The following KAT7 variants were observed in gnomAD, a reference collection of about 807,000 sequenced individuals.
KAT7 encodes the protein histone acetyltransferase KAT7.
KAT7 carries 10 observed loss-of-function variants against 82.1 expected under a neutral mutation model. The ratio of observed to expected loss-of-function variants is 0.12; its 90% CI spans 0.08 to 0.21. KAT7 has a LOEUF of 0.21. Ranked by LOEUF, KAT7 falls within the 10% of genes least tolerant of loss-of-function variation. The pLI, the probability that KAT7 is intolerant of heterozygous loss-of-function variation, is 1.00. For synonymous variants in KAT7, 250 were observed against 262.5 expected (o/e 0.95, Z 0.46); for missense variants, 378 against 760.9 (o/e 0.50, Z 5.92).
rs542446240 is a variant in KAT7 at position 49,805,605 on chromosome 17, A to G, written c.663+160A>G. 4.6e-5 allele frequency among the ~76,000 whole-genome samples: 7 copies of G among 152,334 alleles called. No homozygotes were observed. In the East Asian group the frequency reaches 1.2e-3, roughly 25 times the overall value. Reference sequence around the variant, plus strand: ...ATAAAAAACAATGTGCTTTTTTAGAAAAAACTAGTTAAACAGACAAAAGAA... The same window carrying G: ...ATAAAAAACAATGTGCTTTTTTAGAGAAAACTAGTTAAACAGACAAAAGAA... On this transcript the variant is annotated intron_variant, in intron 5 of 14. Coordinates refer to ENST00000259021, the MANE Select transcript of KAT7 (RefSeq NM_007067.5).
In KAT7 at chr17:49,815,850, C is replaced by T; in HGVS notation, c.900C>T (p.Asn300=). 1.2e-6 allele frequency: 2 copies of T among 1,613,602 alleles called. No homozygotes were observed. The highest frequency in any genetic ancestry group is 8.5e-7 in the Non-Finnish European group (1 of 1,179,814). Residue 300 remains asparagine (N), a synonymous_variant, in exon 8 of 15, where the codon AAC becomes AAT. Transcript: ENST00000259021. ...ACACACGGGAACCTCTTTTAGAAAA[C>T]CTGACAAGCGAGTATGACTTGGATC... ...YGNTREPLLE[N]LTSEYDLDLF... is the part of the protein sequence containing the mutation.
Position 49,791,983 on chromosome 17 carries a change from G to T in KAT7, c.113G>T (p.Arg38Leu). 2 of 1,614,134 alleles carry T rather than the reference G, an allele frequency of 1.2e-6. No individual in the cohort carries two copies. Among genetic ancestry groups the T allele is most frequent in the Non-Finnish European group, 1.7e-6 (2 of 1,180,026 alleles). The change falls in exon 2 of 15, where the codon CGA becomes CTA. Residue 38 changes from arginine (R) to leucine (L), a missense_variant. Physicochemically the swap from Arg to Leu is moderately radical, Grantham distance 102. Around this residue, in one of 6 missense-constraint regions of KAT7, gnomAD observed 161 missense variants for 229.6 expected, o/e 0.70. Transcript: ENST00000259021. ...DSSESDGTSR[R>L]SARVTRSSAR... ...TCAGAAAGTGATGGCACATCCCGAC[G>T]ATCTGCTCGAGTCACCCGCTCCTCA...
chr17:49,802,733 C>T (rs1358125595), intron 4 of KAT7, among the ~76,000 whole-genome samples: 1 of 151,690 alleles, frequency 6.6e-6, no homozygotes, highest in Non-Finnish European at 1.5e-5. Context: ...GTATTAATGA[C>T]ATTACTTTTT....
At chr17:49,807,194 T>A (rs1177671843) in intron 5 of KAT7, among the ~76,000 whole-genome samples, 1 of 152,202 alleles carries the variant, frequency 6.6e-6, no homozygotes, top group African/African-American at 2.4e-5. Flanking sequence ...AACCTTCAAA[T>A]TAATAAGTAA....
At chr17:49,797,065 T>TA in intron 3 of KAT7, 139 bp downstream of exon 3, 2 of 648,322 alleles carry the variant, frequency 3.1e-6, no homozygotes, top group Non-Finnish European at 5.1e-6. Context: ...CTTTCTTATG[T>TA]CTTTTTTTTT....
At position 49,821,847 on chromosome 17, in the gene KAT7, G is replaced by A. The variant is rs148787453; in HGVS notation, c.1386+57G>A. On this transcript the variant is annotated intron_variant, in intron 11 of 14. Transcript: ENST00000259021. ...GGCCAGAGCAGGGTGATCCATGTTC[G>A]CAGTTGGGGGCTCAAATCACTGACA... is the stretch of plus-strand genomic sequence containing the variant. 6.7e-3 allele frequency: 10,103 copies of A among 1,513,550 alleles called. 47 individuals are homozygous for A. Among genetic ancestry groups the A allele is most frequent in the Non-Finnish European group, 8.3e-3 (9,114 of 1,092,242 alleles). 93.8% of individuals were successfully genotyped at this position (1,513,550 alleles called of 1,614,324 possible). A position where few individuals can be genotyped will look rare whatever the true frequency, so the allele number is the denominator to read the frequency against.
intron 4 of KAT7, 31 bp from the exon 5 acceptor site, chr17:49,805,332 T>G: frequency 6.9e-7 from 1 of 1,458,806 alleles, no homozygotes; most frequent in Non-Finnish European, 9.6e-7. Flanking sequence ...TTGTCTTCTT[T>G]CTTGAGATTA....
chr17:49,811,476 G>C lies in KAT7; in HGVS notation c.754G>C (p.Ala252Pro). The C allele has an allele frequency of 6.9e-7, 1 of 1,457,758 alleles. No individual in the cohort carries two copies. Among genetic ancestry groups the C allele is most frequent in the South Asian group, 1.3e-5 (1 of 77,406 alleles). 90.3% of individuals were successfully genotyped at this position (1,457,758 alleles called of 1,614,324 possible). Residue 252 changes from alanine to proline, a missense_variant and splice_region_variant, in exon 7 of 15, where the codon GCA becomes CCA. Ala to Pro is a conservative substitution (Grantham distance 27). This residue lies in a region of KAT7 where 102 missense variants were observed against 129.8 expected (regional missense o/e 0.79). Coordinates refer to ENST00000259021, the MANE Select transcript of KAT7 (RefSeq NM_007067.5). The stretch of plus-strand genomic sequence containing the variant: ...TCAGTTTTCTCCTTTTTCCTTTTAG[G>C]CACCAACGGAGAGACAGCTTCGATA... ...DNNRHATRHQ[A>P]PTERQLRYKE...
At chr17:49,789,761 A>G (rs1280445929) in intron 1 of KAT7, 2 of 152,368 alleles carry the variant, frequency 1.3e-5, no homozygotes, top group Admixed American at 1.3e-4. Flanking sequence ...CGATAGGAGA[A>G]AACAGACATG....
chr17:49,793,002 G>A (rs967729784), intron 2 of KAT7, among the ~76,000 whole-genome samples: 1 of 152,080 alleles, frequency 6.6e-6, no homozygotes, highest in African/African-American at 2.4e-5. Context: ...TTGTAGAGAT[G>A]AGGTCTTATT....
chr17:49,833,634 T>C lies in KAT7; in HGVS notation c.*6132T>C, dbSNP rs907032647. 2 of 152,144 alleles carry C rather than the reference T, an allele frequency of 1.3e-5. No homozygotes were observed. Among genetic ancestry groups the C allele is most frequent in the Non-Finnish European group, 2.9e-5 (2 of 68,028 alleles). 9.4% of individuals were successfully genotyped at this position (152,144 alleles called of 1,614,324 possible). A position where few individuals can be genotyped will look rare whatever the true frequency, so the allele number is the denominator to read the frequency against. ...TTACTGAATGGTGAGAGACGATGCA[T>C]AGGAGAACCAAGGTGCTCTAGTCAC... On this transcript the variant is annotated 3_prime_UTR_variant, in exon 15 of 15. Coordinates refer to ENST00000259021, the MANE Select transcript of KAT7 (RefSeq NM_007067.5).
chr17:49,827,532 C>G lies in KAT7; in HGVS notation c.*30C>G. 1 of 1,300,356 alleles carries G rather than the reference C, an allele frequency of 7.7e-7. No individual in the cohort carries two copies. The allele number at this position is 1,300,356 out of a possible 1,614,324, so 80.6% of individuals were successfully genotyped here. On this transcript the variant is annotated 3_prime_UTR_variant, in exon 15 of 15. Transcript: ENST00000259021. ...ACCTGTCATTCCGAGCCAGCGAACC[C>G]CAGCAGTAGGAATCCGTACCCTAGG...
chr17:49,799,436 A>T (rs1376619126), intron 4 of KAT7, among the ~76,000 whole-genome samples: 1 of 152,210 alleles, frequency 6.6e-6, no homozygotes, highest in Non-Finnish European at 1.5e-5. Context: ...GCTGGAGTGC[A>T]GTGGTGTGAT....
chr17:49,806,914 T>C (rs890500568), intron 5 of KAT7, among the ~76,000 whole-genome samples: 18 of 152,212 alleles, frequency 1.2e-4, no homozygotes, highest in Non-Finnish European at 2.4e-4. Context: ...GGAGAATTTC[T>C]GAGATGATAT....
rs1036099993 is a variant in KAT7 at position 49,833,590 on chromosome 17, A to G, written c.*6088A>G. On this transcript the variant is annotated 3_prime_UTR_variant, in exon 15 of 15. Transcript: ENST00000259021. The stretch of plus-strand genomic sequence containing the variant: ...TGAAAATAAGCTGACACGTTTCCAA[A>G]CGAGAAGCTTGGGCTAAATTACTGA... 20 of 152,218 alleles carry G rather than the reference A, an allele frequency of 1.3e-4. No homozygotes were observed. The highest frequency in any genetic ancestry group is 1.0e-3 in the Admixed American group (16 of 15,278). The allele number at this position is 152,218 out of a possible 1,614,324, so 9.4% of individuals were successfully genotyped here.
At position 49,788,789 on chromosome 17, in the gene KAT7, T is replaced by TGCC; in HGVS notation, c.-40_-38dup. ...CCGCCGGAGCCACCGTTCCTGCTGC[T>TGCC]GCCGCCGCTGCCCGAATCGGAACCG... On this transcript the variant is annotated 5_prime_UTR_variant, in exon 1 of 15. Transcript: ENST00000259021. 6.4e-7 allele frequency: 1 copy of TGCC among 1,563,894 alleles called. No homozygotes were observed. The highest frequency in any genetic ancestry group is 8.7e-7 in the Non-Finnish European group (1 of 1,154,704).
intron 2 of KAT7, among the ~76,000 whole-genome samples, chr17:49,795,074 C>T (rs2073938931): frequency 6.6e-6 from 1 of 151,292 alleles, no homozygotes; most frequent in South Asian, 2.1e-4. Context: ...ACACCGCGCC[C>T]TGGCCTGTGC....
At position 49,828,345 on chromosome 17, in the gene KAT7, T is replaced by C. The variant is rs1395296817; in HGVS notation, c.*843T>C. The C allele has an allele frequency of 6.6e-6, 1 of 152,240 alleles. No homozygotes were observed. Among genetic ancestry groups the C allele is most frequent in the African/African-American group, 2.4e-5 (1 of 41,456 alleles). The allele number at this position is 152,240 out of a possible 1,614,324, so 9.4% of individuals were successfully genotyped here. On this transcript the variant is annotated 3_prime_UTR_variant, in exon 15 of 15. Coordinates refer to ENST00000259021, the MANE Select transcript of KAT7 (RefSeq NM_007067.5). Reference sequence around the variant, plus strand: ...GCAGGTGCCAAAGTAATGTCCACTTTTCCCTTTCATGCTGCATATTAACTG... The same window carrying C: ...GCAGGTGCCAAAGTAATGTCCACTTCTCCCTTTCATGCTGCATATTAACTG...
At chr17:49,789,158 C>G in intron 1 of KAT7, 1 of 269,744 alleles carries the variant, frequency 3.7e-6, no homozygotes. Context: ...ACGGTCACCT[C>G]CCCGCGTGCG....
Sources: gnomAD v4.1 joint callset for allele counts (sites outside exome capture counted in the v4.1 genomes callset) on GRCh38, gnomAD v4.1.1 for gene constraint, gnomAD v4.1.1 regional missense constraint, MANE v1.5 for transcripts, NCBI Gene and HGNC (gene_info 2026-07-23, HGNC 2026-07-21) for gene names.